Variants in ASTN2 observed in about 807,000 individuals in gnomAD.
ASTN2 encodes the protein astrotactin 2.
A neutral mutation model predicts 139.8 loss-of-function variants in ASTN2; 54 were observed. That is an observed-to-expected ratio of 0.39 (90% CI 0.31 to 0.48). The LOEUF (loss-of-function observed/expected upper bound fraction) is 0.48. Ranked by LOEUF, ASTN2 falls within the 20% of genes least tolerant of loss-of-function variation. The pLI, the probability that ASTN2 is intolerant of heterozygous loss-of-function variation, is 0.95. For missense variants in ASTN2, 1,565 were observed against 1,725.1 expected (o/e 0.91, Z 1.64); for synonymous variants, 756 against 719.5 (o/e 1.05, Z -0.81).
chr9:117,320,751 A>G (rs935061441), intron 1 of ASTN2, among the ~76,000 whole-genome samples: 1 of 151,924 alleles, frequency 6.6e-6, no homozygotes, highest in Admixed American at 6.6e-5. Context: ...TGATTTCCTT[A>G]CCTACAGTCA....
At chr9:116,482,469 A>G (rs1338336892) in intron 20 of ASTN2, among the ~76,000 whole-genome samples, 1 of 152,190 alleles carries the variant, frequency 6.6e-6, no homozygotes, top group African/African-American at 2.4e-5. Context: ...AGTATTATCC[A>G]GAAAGTCCTG....
At chr9:117,171,941 C>T (rs567216940) in intron 3 of ASTN2, among the ~76,000 whole-genome samples, 26 of 151,718 alleles carry the variant, frequency 1.7e-4, no homozygotes, top group African/African-American at 5.1e-4. Context: ...GACACTATAT[C>T]GTAATTAAAA....
chr9:116,504,965 A>T (rs1369367253), intron 19 of ASTN2, among the ~76,000 whole-genome samples: 1 of 151,816 alleles, frequency 6.6e-6, no homozygotes. Context: ...CCCCAAATTT[A>T]CAAATGAGTA....
intron 14 of ASTN2, among the ~76,000 whole-genome samples, chr9:116,731,676 G>A (rs1041367912): frequency 1.3e-5 from 2 of 152,080 alleles, no homozygotes; most frequent in East Asian, 1.9e-4. Flanking sequence ...AACCTGCCTC[G>A]GACTCCCAAA....
intron 3 of ASTN2, among the ~76,000 whole-genome samples, chr9:117,160,315 C>T (rs963596558): frequency 6.6e-6 from 1 of 152,016 alleles, no homozygotes; most frequent in Non-Finnish European, 1.5e-5. Context: ...TGTGGTGACA[C>T]AGAAGTGGTA....
At position 116,805,668 on chromosome 9, in the gene ASTN2, T is replaced by A. The variant is rs1831010672; in HGVS notation, c.2360A>T (p.His787Leu). 3 of 1,613,968 alleles carry A rather than the reference T, an allele frequency of 1.9e-6. No individual in the cohort carries two copies. Among genetic ancestry groups the A allele is most frequent in the Non-Finnish European group, 2.5e-6 (3 of 1,179,842 alleles). The change falls in exon 13 of 23, where the codon CAT becomes CTT. Residue 787 changes from histidine to leucine, a missense_variant. Around this residue, in one of 4 missense-constraint regions of ASTN2, gnomAD observed 503 missense variants for 591.7 expected, o/e 0.85. Transcript: ENST00000313400. ...MLHGYNNRTQ[H>L]VNQGQVFQMT... ...CTGGAAGACTTGGCCTTGGTTCACA[T>A]GCTGGGTCCGGTTGTTGTAACCATG...
chr9:117,392,732 G>A (rs1830574945), intron 1 of ASTN2, among the ~76,000 whole-genome samples: 1 of 152,200 alleles, frequency 6.6e-6, no homozygotes, highest in Non-Finnish European at 1.5e-5. Context: ...AGTCTTGGAA[G>A]TTTTCTTCTG....
At chr9:116,594,505 A>T (rs1433657541) in intron 19 of ASTN2, among the ~76,000 whole-genome samples, 6 of 152,222 alleles carry the variant, frequency 3.9e-5, no homozygotes, top group African/African-American at 1.2e-4. Context: ...CTATATAATT[A>T]TCAAGACTGT....
At chr9:117,060,506 A>AAGG (rs1564406817) in intron 5 of ASTN2, among the ~76,000 whole-genome samples, 4,067 of 82,204 alleles carry the variant, frequency 0.049, 542 homozygotes, top group Non-Finnish European at 0.068. Context: ...AGAAAGAAAG[A>AAGG]AAGAAAGGAA....
intron 1 of ASTN2, among the ~76,000 whole-genome samples, chr9:117,358,726 C>A (rs1038652592): frequency 1.3e-5 from 2 of 152,170 alleles, no homozygotes; most frequent in Admixed American, 6.6e-5. Flanking sequence ...TCATGGGCTG[C>A]TGGAGAAATG....
chr9:116,497,572 TA>T (rs1317471509), intron 19 of ASTN2, among the ~76,000 whole-genome samples: 1 of 152,222 alleles, frequency 6.6e-6, no homozygotes, highest in Non-Finnish European at 1.5e-5. Flanking sequence ...ACTTGGCTTA[TA>T]AAGCCTTCCT....
rs766840047 is a variant in ASTN2, at chr9:116,767,460, C to T, written c.2397-33937G>A. 6.6e-4 allele frequency among the ~76,000 whole-genome samples: 101 copies of T among 152,272 alleles called. 1 individual carries two copies. Among genetic ancestry groups the T allele is most frequent in the Admixed American group, 8.5e-4 (13 of 15,298 alleles). ...GAACTCAGAACCTCTGTTCTCTAGG[C>T]GTATGCAGGCCTGACAAAACATTTC... On this transcript the variant is annotated intron_variant, in intron 13 of 22. Coordinates refer to ENST00000313400, the MANE Select transcript of ASTN2 (RefSeq NM_001365068.1).
chr9:116,774,476 C>T (rs1564259659), intron 13 of ASTN2, among the ~76,000 whole-genome samples: 1 of 152,100 alleles, frequency 6.6e-6, no homozygotes, highest in African/African-American at 2.4e-5. Flanking sequence ...TATTATATAC[C>T]TTCTGTGGTG....
At chr9:117,085,843 G>T (rs890019896) in intron 5 of ASTN2, among the ~76,000 whole-genome samples, 4 of 152,106 alleles carry the variant, frequency 2.6e-5, no homozygotes, top group African/African-American at 9.7e-5. Context: ...ACTGTTGTAT[G>T]CACTTTACAT....
chr9:117,195,410 T>C (rs1235362399), intron 3 of ASTN2, among the ~76,000 whole-genome samples: 1 of 151,928 alleles, frequency 6.6e-6, no homozygotes, highest in East Asian at 1.9e-4. Flanking sequence ...CAACTTTAAG[T>C]TGGGACTGTT....
chr9:116,555,089 G>C (rs1310793271), intron 19 of ASTN2, among the ~76,000 whole-genome samples: 1 of 152,168 alleles, frequency 6.6e-6, no homozygotes, highest in Non-Finnish European at 1.5e-5. Flanking sequence ...TGTATAAAGT[G>C]ATACCCAGAT....
chr9:116,980,167 C>T (rs1259514656), intron 7 of ASTN2, among the ~76,000 whole-genome samples: 5 of 152,054 alleles, frequency 3.3e-5, no homozygotes, highest in African/African-American at 4.8e-5. Context: ...TTAGGGAAGT[C>T]GCCTTTTTGG....
chr9:117,355,278 G>A (rs1829507629), intron 1 of ASTN2, among the ~76,000 whole-genome samples: 1 of 152,112 alleles, frequency 6.6e-6, no homozygotes, highest in South Asian at 2.1e-4. Context: ...CTCCTTTATG[G>A]TAAAAATGAT....
At chr9:117,016,589 GTT>G (rs1307663606) in intron 6 of ASTN2, among the ~76,000 whole-genome samples, 1 of 46,404 alleles carries the variant, frequency 2.2e-5, no homozygotes, top group African/African-American at 7.2e-5. Context: ...GGTATTCTAG[GTT>G]TTATATATAT....
Sources: gnomAD v4.1 joint callset for allele counts (sites outside exome capture counted in the v4.1 genomes callset) on GRCh38, gnomAD v4.1.1 for gene constraint, gnomAD v4.1.1 regional missense constraint, MANE v1.5 for transcripts, NCBI Gene and HGNC (gene_info 2026-07-23, HGNC 2026-07-21) for gene names.